GALNTL6: variants seen among roughly 807,000 people sequenced by gnomAD.
The protein encoded by GALNTL6 is polypeptide N-acetylgalactosaminyltransferase like 6, also known as polypeptide N-acetylgalactosaminyltransferase-like 6.
A neutral mutation model predicts 73.7 loss-of-function variants in GALNTL6; 46 were observed. The ratio of observed to expected loss-of-function variants is 0.62; its 90% confidence interval spans 0.49 to 0.80. The LOEUF is 0.80. Ranked by LOEUF, GALNTL6 falls within the 30% of genes least tolerant of loss-of-function variation. The probability of loss-of-function intolerance (pLI) is 0.00; values close to 1 mark genes in which losing one functional copy is unlikely to be tolerated. For synonymous variants in GALNTL6, 259 were observed against 263.7 expected (o/e 0.98, Z 0.17); for missense variants, 604 against 755.0 (o/e 0.80, Z 2.34).
At chr4:172,861,839 G>T (rs1296897778) in intron 7 of GALNTL6, among the ~76,000 whole-genome samples, 1 of 152,158 alleles carries the variant, frequency 6.6e-6, no homozygotes, top group Non-Finnish European at 1.5e-5. Flanking sequence ...CATCATAATT[G>T]TGAGGCCTGC....
At chr4:171,877,270 A>C (rs959892524) in intron 2 of GALNTL6, among the ~76,000 whole-genome samples, 3 of 152,192 alleles carry the variant, frequency 2.0e-5, no homozygotes, top group Non-Finnish European at 4.4e-5. Flanking sequence ...TGAGATTCAA[A>C]ATATGTGTAA....
intron 2 of GALNTL6, among the ~76,000 whole-genome samples, chr4:171,939,444 T>C (rs1213390791): frequency 6.6e-6 from 1 of 151,984 alleles, no homozygotes; most frequent in Non-Finnish European, 1.5e-5. Flanking sequence ...TTCATGAAGA[T>C]TTTGACTATT....
chr4:171,866,507 A>G (rs945108482), intron 2 of GALNTL6, among the ~76,000 whole-genome samples: 14 of 152,220 alleles, frequency 9.2e-5, no homozygotes, highest in Admixed American at 2.0e-4. Flanking sequence ...TCTCTTTCAA[A>G]TAGTCGATTG....
intron 2 of GALNTL6, among the ~76,000 whole-genome samples, chr4:172,022,601 CAT>C (rs1161035341): frequency 2.6e-5 from 4 of 152,052 alleles, no homozygotes; most frequent in African/African-American, 9.6e-5. Context: ...TCCTAGCATT[CAT>C]CTCTGCTGTC....
At chr4:172,188,959 A>C (rs1414370528) in intron 2 of GALNTL6, among the ~76,000 whole-genome samples, 1 of 152,196 alleles carries the variant, frequency 6.6e-6, no homozygotes, top group Middle Eastern at 3.2e-3. Context: ...ATTTATGGCT[A>C]TATCCTTAAA....
chr4:173,035,277 C>CAAGCAATT (rs1158464302), intron 12 of GALNTL6, among the ~76,000 whole-genome samples: 1 of 151,448 alleles, frequency 6.6e-6, no homozygotes, highest in Non-Finnish European at 1.5e-5. Flanking sequence ...CTCCCAGGTT[C>CAAGCAATT]AAGCAATTGT....
chr4:172,718,476 A>G (rs371963120), intron 5 of GALNTL6, among the ~76,000 whole-genome samples: 118 of 152,148 alleles, frequency 7.8e-4, no homozygotes, highest in African/African-American at 2.7e-3. Context: ...TAAAAAAAAA[A>G]TTAAAAAACA....
At chr4:172,254,136 C>T (rs778073123) in intron 3 of GALNTL6, among the ~76,000 whole-genome samples, 5 of 151,752 alleles carry the variant, frequency 3.3e-5, no homozygotes, top group Non-Finnish European at 7.4e-5. Context: ...CTGCTAAAAA[C>T]GGCTACTGTT....
At chr4:172,297,990 A>T (rs779270018) in intron 3 of GALNTL6, among the ~76,000 whole-genome samples, 13 of 152,144 alleles carry the variant, frequency 8.5e-5, no homozygotes, top group Non-Finnish European at 1.8e-4. Context: ...ATGAGCATGG[A>T]ATGTTCTTCC....
At chr4:171,921,818 TA>T (rs1228674619) in intron 2 of GALNTL6, among the ~76,000 whole-genome samples, 1 of 152,068 alleles carries the variant, frequency 6.6e-6, no homozygotes, top group Non-Finnish European at 1.5e-5. Flanking sequence ...ATCCTTCATT[TA>T]AAAAAAGTCC....
At chr4:172,945,469 A>G (rs1561048565) in intron 9 of GALNTL6, among the ~76,000 whole-genome samples, 1 of 152,222 alleles carries the variant, frequency 6.6e-6, no homozygotes, top group Non-Finnish European at 1.5e-5. Context: ...GCTGATTTTT[A>G]AATTAGGCTT....
At chr4:172,431,340 A>G (rs1274815140) in intron 5 of GALNTL6, among the ~76,000 whole-genome samples, 1 of 152,162 alleles carries the variant, frequency 6.6e-6, no homozygotes, top group East Asian at 1.9e-4. Context: ...GGTACTGACT[A>G]CTCACATTAA....
intron 5 of GALNTL6, among the ~76,000 whole-genome samples, chr4:172,669,590 T>C (rs1011379917): frequency 6.6e-6 from 1 of 152,222 alleles, no homozygotes; most frequent in Non-Finnish European, 1.5e-5. Flanking sequence ...AATTAGAGAA[T>C]TTTGGAATTT....
At chr4:172,558,052 C>G (rs934108777) in intron 5 of GALNTL6, among the ~76,000 whole-genome samples, 1 of 151,968 alleles carries the variant, frequency 6.6e-6, no homozygotes, top group Non-Finnish European at 1.5e-5. Context: ...TAATGCAATA[C>G]TACTAAACAA....
At chr4:172,719,471 G>A (rs1735318528) in intron 5 of GALNTL6, among the ~76,000 whole-genome samples, 1 of 151,948 alleles carries the variant, frequency 6.6e-6, no homozygotes, top group Non-Finnish European at 1.5e-5. Context: ...TATCCCTATA[G>A]ACAAACATTT....
At chr4:172,420,388 C>A (rs1313343548) in intron 5 of GALNTL6, among the ~76,000 whole-genome samples, 1 of 152,204 alleles carries the variant, frequency 6.6e-6, no homozygotes, top group African/African-American at 2.4e-5. Flanking sequence ...TTTGTAATTG[C>A]TTCACAGCAT....
At chr4:172,952,352 C>CTT (rs1749495592) in intron 10 of GALNTL6, 94 bp downstream of exon 10, 13 of 784,664 alleles carry the variant, frequency 1.7e-5, no homozygotes, top group Non-Finnish European at 2.5e-5. Flanking sequence ...AAAACCTTCA[C>CTT]TTTTACCCTG....
intron 2 of GALNTL6, among the ~76,000 whole-genome samples, chr4:172,175,251 G>A (rs191820877): frequency 6.6e-6 from 1 of 151,834 alleles, no homozygotes; most frequent in Non-Finnish European, 1.5e-5. Context: ...TAATTTTTTT[G>A]TATGGGGTTT....
intron 2 of GALNTL6, among the ~76,000 whole-genome samples, chr4:171,866,806 A>AATTTT (rs1184544928): frequency 6.6e-6 from 1 of 152,032 alleles, no homozygotes; most frequent in African/African-American, 2.4e-5. Flanking sequence ...TTTTTTCATA[A>AATTTT]TGGCATTAAT....
Sources: gnomAD v4.1 joint callset for allele counts (sites outside exome capture counted in the v4.1 genomes callset) on GRCh38, gnomAD v4.1.1 for gene constraint, MANE v1.5 for transcripts, NCBI Gene and HGNC (gene_info 2026-07-23, HGNC 2026-07-21) for gene names.